Variants in SPMIP2 observed in about 807,000 individuals in gnomAD.
SPMIP2 encodes protein SPMIP2.
chr4:159,038,962 T>G, the SPMIP2 span, among the ~76,000 whole-genome samples: 1 of 152,152 alleles, frequency 6.6e-6, no homozygotes, highest in Non-Finnish European at 1.5e-5. Context: ...CTGATGGTTT[T>G]ATAGTCTTAT....
chr4:158,997,684 A>G, the SPMIP2 span, among the ~76,000 whole-genome samples: 1 of 151,658 alleles, frequency 6.6e-6, no homozygotes, highest in African/African-American at 2.4e-5. Context: ...ACAGGGTCTC[A>G]CTCTGTTGCC....
chr4:158,902,267 G>A, the SPMIP2 span, among the ~76,000 whole-genome samples: 1 of 152,156 alleles, frequency 6.6e-6, no homozygotes, highest in Admixed American at 6.5e-5. Flanking sequence ...GCTGTGGTTT[G>A]TTGGAGGTCC....
chr4:158,925,631 TCA>T, the SPMIP2 span, among the ~76,000 whole-genome samples: 3 of 152,186 alleles, frequency 2.0e-5, no homozygotes, highest in Admixed American at 6.5e-5. Context: ...ACAAAAGGGT[TCA>T]CAGTCTTATG....
the SPMIP2 span, among the ~76,000 whole-genome samples, chr4:158,987,472 G>A: frequency 2.0e-5 from 3 of 152,130 alleles, no homozygotes; most frequent in Non-Finnish European, 4.4e-5. Flanking sequence ...ATGAGTTCAT[G>A]TCCTTTGTAG....
chr4:159,025,189 C>T, the SPMIP2 span, among the ~76,000 whole-genome samples: 1 of 152,066 alleles, frequency 6.6e-6, no homozygotes, highest in African/African-American at 2.4e-5. Context: ...AAGCCCACCC[C>T]AGTCTTGCTC....
the SPMIP2 span, among the ~76,000 whole-genome samples, chr4:159,062,163 C>G: frequency 1.3e-5 from 2 of 152,196 alleles, no homozygotes; most frequent in African/African-American, 4.8e-5. Context: ...GATGTCTTAT[C>G]CCCGATTCCA....
chr4:158,974,622 C>T, the SPMIP2 span, among the ~76,000 whole-genome samples: 3 of 152,132 alleles, frequency 2.0e-5, no homozygotes, highest in South Asian at 6.2e-4. Flanking sequence ...TCATGTCCCT[C>T]CAAAGGATAT....
chr4:158,925,693 A>C, the SPMIP2 span, among the ~76,000 whole-genome samples: 1 of 152,220 alleles, frequency 6.6e-6, no homozygotes, highest in Admixed American at 6.5e-5. Flanking sequence ...TCAGGCAGTA[A>C]TGCTCTCTGG....
At chr4:158,930,002 G>A in the SPMIP2 span, among the ~76,000 whole-genome samples, 1 of 152,140 alleles carries the variant, frequency 6.6e-6, no homozygotes, top group African/African-American at 2.4e-5. Flanking sequence ...TTGTATATCT[G>A]AGAATATCTT....
chr4:159,032,043 G>A, the SPMIP2 span, among the ~76,000 whole-genome samples: 1 of 152,070 alleles, frequency 6.6e-6, no homozygotes, highest in African/African-American at 2.4e-5. Flanking sequence ...CCAACATGGT[G>A]AAACCCCATC....
the SPMIP2 span, among the ~76,000 whole-genome samples, chr4:158,997,486 G>C: frequency 9.4e-4 from 143 of 152,228 alleles, 2 homozygotes; most frequent in East Asian, 0.027. Context: ...CACCTCAAAA[G>C]TGGTGGGATT....
chr4:158,897,302 A>T, the SPMIP2 span, among the ~76,000 whole-genome samples: 1 of 152,204 alleles, frequency 6.6e-6, no homozygotes, highest in African/African-American at 2.4e-5. Flanking sequence ...CAGTAAACAT[A>T]CATGTGCGTG....
chr4:158,910,910 G>A, the SPMIP2 span, among the ~76,000 whole-genome samples: 1 of 152,136 alleles, frequency 6.6e-6, no homozygotes. Context: ...CATTGGTTCT[G>A]TTTCTCTGGA....
chr4:158,961,910 C>T, the SPMIP2 span, among the ~76,000 whole-genome samples: 1 of 151,856 alleles, frequency 6.6e-6, no homozygotes, highest in South Asian at 2.1e-4. Flanking sequence ...ACTGGCCAAT[C>T]ATTCCTAAGA....
the SPMIP2 span, among the ~76,000 whole-genome samples, chr4:159,042,304 T>G: frequency 6.6e-6 from 1 of 152,242 alleles, no homozygotes; most frequent in Non-Finnish European, 1.5e-5. Context: ...TCTTCGAGGC[T>G]GCTGCTCTGT....
the SPMIP2 span, among the ~76,000 whole-genome samples, chr4:159,042,838 T>C: frequency 1.3e-5 from 2 of 152,080 alleles, no homozygotes; most frequent in African/African-American, 2.4e-5. Flanking sequence ...AATTTTTGCA[T>C]TTTTAGTAGA....
chr4:158,941,482 C>T, the SPMIP2 span, among the ~76,000 whole-genome samples: 1 of 151,976 alleles, frequency 6.6e-6, no homozygotes, highest in East Asian at 1.9e-4. Flanking sequence ...CATAAAGAGA[C>T]TCTGTATCTA....
At chr4:159,020,401 G>A in the SPMIP2 span, among the ~76,000 whole-genome samples, 2 of 152,172 alleles carry the variant, frequency 1.3e-5, no homozygotes, top group Non-Finnish European at 2.9e-5. Flanking sequence ...CTACAGGGAT[G>A]ACGGTTATGG....
At chr4:158,995,855 CAAAAAAAAAAAAA>C in the SPMIP2 span, among the ~76,000 whole-genome samples, 2 of 70,770 alleles carry the variant, frequency 2.8e-5, no homozygotes, top group Middle Eastern at 7.8e-3. Context: ...GACTCCATCT[CAAAAAAAAAAAAA>C]AAAAAAAAAA....
Sources: gnomAD v4.1 joint callset for allele counts (sites outside exome capture counted in the v4.1 genomes callset) on GRCh38, gnomAD v4.1.1 for gene constraint, MANE v1.5 for transcripts, NCBI Gene and HGNC (gene_info 2026-07-23, HGNC 2026-07-21) for gene names.